The following CCSER1 variants were observed in gnomAD, a reference collection of about 807,000 sequenced individuals.
CCSER1 encodes the protein coiled-coil serine rich protein 1.
A neutral mutation model predicts 82.0 loss-of-function variants in CCSER1; 41 were observed. The observed-to-expected ratio is 0.50, with a 90% CI of 0.39 to 0.65. CCSER1 has a LOEUF of 0.65. Ranked by LOEUF, CCSER1 falls within the 30% of genes least tolerant of loss-of-function variation. The probability of loss-of-function intolerance (pLI) is 0.00; values close to 1 mark genes in which losing one functional copy is unlikely to be tolerated. For missense variants in CCSER1, 1,119 were observed against 1,064.2 expected (o/e 1.05, Z -0.72); for synonymous variants, 414 against 383.9 (o/e 1.08, Z -0.92).
At chr4:90,511,534 G>A (rs539833850) in intron 5 of CCSER1, among the ~76,000 whole-genome samples, 1 of 152,168 alleles carries the variant, frequency 6.6e-6, no homozygotes, top group Admixed American at 6.5e-5. Flanking sequence ...TAGAGTTGGT[G>A]CATATAGGAA....
chr4:91,235,481 T>G (rs1738930391), intron 10 of CCSER1, among the ~76,000 whole-genome samples: 1 of 152,206 alleles, frequency 6.6e-6, no homozygotes, highest in African/African-American at 2.4e-5. Context: ...ATTTTTGAAT[T>G]TTTATAAAAT....
chr4:91,084,704 A>C (rs968558601), intron 9 of CCSER1, among the ~76,000 whole-genome samples: 12 of 152,178 alleles, frequency 7.9e-5, no homozygotes, highest in Admixed American at 7.9e-4. Context: ...ATAATTTTCT[A>C]TAATCAGAAA....
intron 10 of CCSER1, among the ~76,000 whole-genome samples, chr4:91,204,517 A>C (rs758561327): frequency 7.2e-5 from 11 of 151,930 alleles, no homozygotes; most frequent in Non-Finnish European, 1.6e-4. Context: ...CAAATATAAC[A>C]ATTTCAGTTA....
At position 91,105,825 on chromosome 4, in the gene CCSER1, C is replaced by G. The variant is rs142367263; in HGVS notation, c.2217+19831C>G. Among the ~76,000 whole-genome samples, 398 of 152,202 alleles carry G rather than the reference C, an allele frequency of 2.6e-3. 5 individuals carry two copies. The highest frequency in any genetic ancestry group is 0.017 in the Admixed American group (259 of 15,288). On this transcript the variant is annotated intron_variant, in intron 10 of 10. Transcript: ENST00000509176. ...TTTATTTTTTCCTCAAAGGGAGGCT[C>G]AAGCTAGTTTGATGGTAAAAACCTG...
chr4:91,033,129 C>T (rs1741131287), intron 9 of CCSER1, among the ~76,000 whole-genome samples: 1 of 151,996 alleles, frequency 6.6e-6, no homozygotes, highest in African/African-American at 2.4e-5. Context: ...TAATACTATT[C>T]TACCTGTATC....
At chr4:91,264,201 A>T (rs1451314161) in intron 10 of CCSER1, among the ~76,000 whole-genome samples, 1 of 151,818 alleles carries the variant, frequency 6.6e-6, no homozygotes, top group Non-Finnish European at 1.5e-5. Flanking sequence ...GCACAAATTA[A>T]TTTTTATTAA....
At chr4:91,517,746 G>A (rs1184742849) in intron 10 of CCSER1, among the ~76,000 whole-genome samples, 4 of 37,320 alleles carry the variant, frequency 1.1e-4, no homozygotes, top group South Asian at 8.1e-4. Flanking sequence ...GTTCTTTCTC[G>A]TGTGTGTGTG....
At chr4:91,574,870 G>A (rs1763368079) in intron 10 of CCSER1, among the ~76,000 whole-genome samples, 1 of 151,768 alleles carries the variant, frequency 6.6e-6, no homozygotes, top group Admixed American at 6.6e-5. Flanking sequence ...ACCTGCACAT[G>A]TACCCCGAGA....
chr4:90,844,410 C>G (rs535316260), intron 8 of CCSER1, among the ~76,000 whole-genome samples: 2 of 152,180 alleles, frequency 1.3e-5, no homozygotes, highest in South Asian at 4.1e-4. Context: ...GAAGACATTC[C>G]TCATAAAGAC....
At chr4:91,060,719 A>G (rs1024434087) in intron 9 of CCSER1, among the ~76,000 whole-genome samples, 6 of 152,032 alleles carry the variant, frequency 3.9e-5, no homozygotes, top group African/African-American at 1.4e-4. Flanking sequence ...GTCCTCATCC[A>G]GATACTTAAT....
intron 8 of CCSER1, among the ~76,000 whole-genome samples, chr4:90,870,860 A>T: frequency 7.3e-6 from 1 of 137,448 alleles, no homozygotes. Flanking sequence ...ATTATGGCTT[A>T]AATCTCATTA....
At chr4:90,470,781 A>G (rs994202701) in intron 5 of CCSER1, among the ~76,000 whole-genome samples, 2 of 149,652 alleles carry the variant, frequency 1.3e-5, no homozygotes, top group Non-Finnish European at 3.0e-5. Flanking sequence ...AAAAAAAAAA[A>G]CAAAACACCC....
chr4:91,474,756 CACATGT>C (rs761745880), intron 10 of CCSER1, among the ~76,000 whole-genome samples: 4 of 136,780 alleles, frequency 2.9e-5, no homozygotes, highest in Middle Eastern at 3.9e-3. Context: ...CACACACACA[CACATGT>C]GTGTGTATAT....
At chr4:91,575,841 C>A (rs1560775202) in intron 10 of CCSER1, among the ~76,000 whole-genome samples, 1 of 151,260 alleles carries the variant, frequency 6.6e-6, no homozygotes, top group African/African-American at 2.4e-5. Context: ...ATAAAAAAGA[C>A]AAAATATAAA....
chr4:90,434,593 G>C (rs1362184361), intron 4 of CCSER1, among the ~76,000 whole-genome samples: 3 of 152,110 alleles, frequency 2.0e-5, no homozygotes, highest in African/African-American at 7.2e-5. Flanking sequence ...CATATTAAAG[G>C]CAGAGAGAAC....
intron 10 of CCSER1, among the ~76,000 whole-genome samples, chr4:91,495,504 G>C (rs1159167594): frequency 6.7e-6 from 1 of 150,144 alleles, no homozygotes; most frequent in Non-Finnish European, 1.5e-5. Context: ...TTTTTTACTT[G>C]TTCCTTAAAA....
chr4:90,504,848 C>T (rs1482614938), intron 5 of CCSER1, among the ~76,000 whole-genome samples: 1 of 152,126 alleles, frequency 6.6e-6, no homozygotes, highest in African/African-American at 2.4e-5. Context: ...CCAAACATTG[C>T]AGAGCATCCA....
At chr4:91,545,313 T>A (rs1166171846) in intron 10 of CCSER1, among the ~76,000 whole-genome samples, 1 of 152,012 alleles carries the variant, frequency 6.6e-6, no homozygotes, top group Non-Finnish European at 1.5e-5. Context: ...CGGCTCATGG[T>A]CTGTGTGCTG....
intron 9 of CCSER1, among the ~76,000 whole-genome samples, chr4:90,927,289 A>T (rs1729184451): frequency 6.6e-6 from 1 of 152,060 alleles, no homozygotes. Context: ...AGTTTTAAGT[A>T]AAGCAGTTTC....
Sources: gnomAD v4.1 joint callset for allele counts (sites outside exome capture counted in the v4.1 genomes callset) on GRCh38, gnomAD v4.1.1 for gene constraint, MANE v1.5 for transcripts, NCBI Gene and HGNC (gene_info 2026-07-23, HGNC 2026-07-21) for gene names.